NEGR1: variants seen among roughly 807,000 people sequenced by gnomAD.
The protein encoded by NEGR1 is IgLON family member 4.
Under a neutral mutation model 40.9 loss-of-function variants are expected in NEGR1, and 10 were observed. The ratio of observed to expected loss-of-function variants is 0.24; its 90% CI spans 0.15 to 0.42. NEGR1 has a LOEUF of 0.42. NEGR1 is among the 10% of genes least tolerant of loss of function. NEGR1 has a pLI of 1.00. For synonymous variants in NEGR1, 185 were observed against 166.8 expected, an observed-to-expected ratio of 1.11 and a Z score of -0.84; for missense variants, 352 against 438.9, an observed-to-expected ratio of 0.80 and a Z score of 1.77.
At chr1:72,069,612 G>A (rs1341655190) in intron 1 of NEGR1, among the ~76,000 whole-genome samples, 1 of 151,954 alleles carries the variant, frequency 6.6e-6, no homozygotes, top group Non-Finnish European at 1.5e-5. Flanking sequence ...TAGAACACAT[G>A]CACAGTCTTT....
chr1:71,414,470 A>G (rs1245864933), intron 6 of NEGR1, among the ~76,000 whole-genome samples: 2 of 152,154 alleles, frequency 1.3e-5, no homozygotes, highest in Non-Finnish European at 2.9e-5. Context: ...CCACTGGTAT[A>G]TAAATTTGGA....
intron 6 of NEGR1, among the ~76,000 whole-genome samples, chr1:71,412,231 G>A (rs768354685): frequency 3.9e-5 from 6 of 152,068 alleles, no homozygotes; most frequent in Non-Finnish European, 7.3e-5. Flanking sequence ...TGAGCACATA[G>A]AGTGTTTCAT....
Position 71,635,035 on chromosome 1 carries a change from A to T in NEGR1, c.668-23889T>A, listed in dbSNP as rs575114539. Among the ~76,000 whole-genome samples the T allele has an allele frequency of 2.6e-5, 4 of 152,206 alleles. No individual in the cohort carries two copies. The East Asian group carries it at 7.8e-4, about 30-fold the overall frequency. ...TGAGGAACAATGATTAATGAAATAG[A>T]AGGAATCCAGACTGATTAAATGGTA... On this transcript the variant is annotated intron_variant, in intron 4 of 6. Transcript: ENST00000357731.
At chr1:72,134,419 T>C (rs1336829357) in intron 1 of NEGR1, among the ~76,000 whole-genome samples, 1 of 151,952 alleles carries the variant, frequency 6.6e-6, no homozygotes, top group African/African-American at 2.4e-5. Context: ...TTAGCCAGGA[T>C]GGTCTCGATC....
At chr1:71,931,381 C>A (rs764731147) in intron 2 of NEGR1, among the ~76,000 whole-genome samples, 1 of 152,126 alleles carries the variant, frequency 6.6e-6, no homozygotes, top group Non-Finnish European at 1.5e-5. Flanking sequence ...AAAGTAGGAA[C>A]CATGTCTTAG....
At chr1:71,421,915 A>G (rs998200111) in intron 6 of NEGR1, among the ~76,000 whole-genome samples, 8 of 139,352 alleles carry the variant, frequency 5.7e-5, no homozygotes, top group African/African-American at 1.0e-4. Context: ...TCCTTGTTAC[A>G]CTTTTTTTTT....
intron 6 of NEGR1, 37 bp downstream of exon 6, chr1:71,592,780 G>A: frequency 1.3e-6 from 2 of 1,564,392 alleles, no homozygotes; most frequent in East Asian, 2.3e-5. Context: ...GGGCCCAGAG[G>A]CCCCTGGAAG....
At chr1:71,843,379 G>C (rs561189614) in intron 2 of NEGR1, among the ~76,000 whole-genome samples, 1 of 152,254 alleles carries the variant, frequency 6.6e-6, no homozygotes, top group Admixed American at 6.5e-5. Context: ...TTTAAAATAA[G>C]TCCATTTCCC....
chr1:72,127,463 CAAAAAAAAAAAAA>C (rs56301492), intron 1 of NEGR1, among the ~76,000 whole-genome samples: 1 of 39,292 alleles, frequency 2.5e-5, no homozygotes, highest in Non-Finnish European at 4.5e-5. Flanking sequence ...GGCTCTGTCT[CAAAAAAAAAAAAA>C]AAAAAAAAAA....
intron 3 of NEGR1, among the ~76,000 whole-genome samples, chr1:71,771,304 T>A (rs1156763536): frequency 3.3e-5 from 5 of 151,894 alleles, no homozygotes; most frequent in Non-Finnish European, 7.4e-5. Flanking sequence ...GTCAGGGGGT[T>A]CGGGGCTAGG....
chr1:71,482,420 A>G (rs1366705710), intron 6 of NEGR1, among the ~76,000 whole-genome samples: 2 of 151,838 alleles, frequency 1.3e-5, no homozygotes, highest in Non-Finnish European at 2.9e-5. Context: ...ATAGTGAAGA[A>G]ATATGTTTAC....
chr1:71,837,762 G>A (rs1162951752), intron 2 of NEGR1, among the ~76,000 whole-genome samples: 3 of 152,054 alleles, frequency 2.0e-5, no homozygotes, highest in South Asian at 2.1e-4. Context: ...TCTATTTAAA[G>A]CAGTAAAGCA....
In NEGR1 at chr1:71,480,170, G is replaced by A. The variant is rs578171356; in HGVS notation, c.941-72600C>T. Among the ~76,000 whole-genome samples, 35 of 152,000 alleles carry A rather than the reference G, an allele frequency of 2.3e-4. No individual in the cohort carries two copies. In the South Asian group the frequency reaches 7.3e-3, roughly 32 times the overall value. On this transcript the variant is annotated intron_variant, in intron 6 of 6. Transcript: ENST00000357731. ...TAATAATAGCCAATATCTACTGAAT[G>A]TTTACTATGTGCCAGACATTGTTGT...
chr1:71,943,337 T>TTA (rs934242555), intron 1 of NEGR1, among the ~76,000 whole-genome samples: 4 of 150,580 alleles, frequency 2.7e-5, no homozygotes, highest in Non-Finnish European at 5.9e-5. Flanking sequence ...TTAGAGCCAT[T>TTA]TATATATATA....
intron 1 of NEGR1, among the ~76,000 whole-genome samples, chr1:72,020,247 C>T (rs556304461): frequency 6.6e-6 from 1 of 152,150 alleles, no homozygotes; most frequent in Non-Finnish European, 1.5e-5. Context: ...GCCTGAACCA[C>T]GAGAGGTAAA....
At chr1:71,593,037 G>C in intron 5 of NEGR1, 69 bp from the exon 6 acceptor site, 1 of 1,203,510 alleles carries the variant, frequency 8.3e-7, no homozygotes, top group Non-Finnish European at 1.2e-6. Flanking sequence ...TATCTTAGCT[G>C]GGGTTGTCAT....
chr1:72,072,462 C>T (rs1647508400), intron 1 of NEGR1, among the ~76,000 whole-genome samples: 1 of 152,054 alleles, frequency 6.6e-6, no homozygotes, highest in Admixed American at 6.6e-5. Context: ...ATGCAATTTA[C>T]AAATAAAGTT....
chr1:71,548,402 A>G (rs1353272401), intron 6 of NEGR1, among the ~76,000 whole-genome samples: 9 of 151,590 alleles, frequency 5.9e-5, no homozygotes, highest in Admixed American at 5.9e-4. Context: ...GCAAATAATT[A>G]TAATAATGGA....
chr1:72,274,750 G>A, intron 1 of NEGR1: 1 of 1,149,650 alleles, frequency 8.7e-7, no homozygotes, highest in Non-Finnish European at 1.3e-6. Context: ...AGGAGAAATT[G>A]CTTGCTGTAA....
Sources: gnomAD v4.1 joint callset for allele counts (sites outside exome capture counted in the v4.1 genomes callset) on GRCh38, gnomAD v4.1.1 for gene constraint, MANE v1.5 for transcripts, NCBI Gene and HGNC (gene_info 2026-07-23, HGNC 2026-07-21) for gene names.